ELP4: variants seen among roughly 807,000 people sequenced by gnomAD.
The protein encoded by ELP4 is elongator complex protein 4.
In ELP4, 51 loss-of-function variants were observed where a neutral mutation model predicts 48.9. The observed-to-expected ratio is 1.04, with a 90% CI of 0.83 to 1.32. The LOEUF (loss-of-function observed/expected upper bound fraction) is 1.32, where lower values mean the gene tolerates loss of function less well. Among genes scored for constraint, ELP4 ranks in the 40% most tolerant of loss-of-function variants. The probability of loss-of-function intolerance (pLI) is 0.00; values close to 1 mark genes in which losing one functional copy is unlikely to be tolerated. For synonymous variants in ELP4, 210 were observed against 189.2 expected, an observed-to-expected ratio of 1.11 and a Z score of -0.90; for missense variants, 519 against 514.6, an observed-to-expected ratio of 1.01 and a Z score of -0.08.
At chr11:31,551,711 T>A (rs1009656111) in intron 3 of ELP4, among the ~76,000 whole-genome samples, 1 of 152,176 alleles carries the variant, frequency 6.6e-6, no homozygotes, top group African/African-American at 2.4e-5. Context: ...CTGTTATACC[T>A]GAATAAAGCT....
intron 3 of ELP4, among the ~76,000 whole-genome samples, chr11:31,592,293 C>T (rs1957593609): frequency 6.6e-6 from 1 of 151,850 alleles, no homozygotes; most frequent in Non-Finnish European, 1.5e-5. Flanking sequence ...GCCTGTAATC[C>T]AGCACTTTGG....
At chr11:31,622,040 C>G (rs574073151) in intron 5 of ELP4, among the ~76,000 whole-genome samples, 32 of 151,888 alleles carry the variant, frequency 2.1e-4, no homozygotes, top group African/African-American at 7.2e-4. Context: ...CAAGGTTATT[C>G]TATTCATCGA....
At chr11:31,763,578 GC>G in intron 9 of ELP4, 1 of 1,553,828 alleles carries the variant, frequency 6.4e-7, no homozygotes, top group African/African-American at 1.4e-5. Flanking sequence ...TTCAGCTAAA[GC>G]TTCTACTGAA....
At chr11:31,602,636 T>G (rs546505954) in intron 4 of ELP4, among the ~76,000 whole-genome samples, 6 of 152,008 alleles carry the variant, frequency 3.9e-5, no homozygotes, top group Non-Finnish European at 8.8e-5. Context: ...AATTTCCTAT[T>G]GGTAGGCATT....
At chr11:31,670,894 T>C (rs890316800) in intron 9 of ELP4, among the ~76,000 whole-genome samples, 1 of 152,100 alleles carries the variant, frequency 6.6e-6, no homozygotes, top group Admixed American at 6.5e-5. Flanking sequence ...ACTTTTTATT[T>C]ACTGTTAACT....
intron 9 of ELP4, among the ~76,000 whole-genome samples, chr11:31,739,776 A>C (rs79352250): frequency 1.3e-5 from 2 of 152,218 alleles, no homozygotes; most frequent in Admixed American, 6.5e-5. Flanking sequence ...CCTCCTCTCA[A>C]GCACAAAGCA....
intron 9 of ELP4, among the ~76,000 whole-genome samples, chr11:31,698,062 G>A (rs1298142261): frequency 6.6e-6 from 1 of 152,012 alleles, no homozygotes; most frequent in Non-Finnish European, 1.5e-5. Flanking sequence ...GTACGCCCTG[G>A]CATTTGAACA....
intron 3 of ELP4, among the ~76,000 whole-genome samples, chr11:31,575,815 G>A (rs564858807): frequency 8.5e-5 from 13 of 152,194 alleles, no homozygotes; most frequent in Admixed American, 1.3e-4. Flanking sequence ...AGGAACAACC[G>A]GTACTAGCCA....
intron 7 of ELP4, among the ~76,000 whole-genome samples, chr11:31,635,787 T>C (rs945068459): frequency 1.3e-5 from 2 of 151,992 alleles, no homozygotes; most frequent in African/African-American, 4.8e-5. Context: ...AAATTGAGGA[T>C]TTGAACAGAG....
intron 1 of ELP4, among the ~76,000 whole-genome samples, chr11:31,518,606 C>T (rs1373145066): frequency 2.7e-5 from 4 of 149,590 alleles, no homozygotes; most frequent in East Asian, 2.0e-4. Context: ...AAAAAATTCT[C>T]GTGTCTCAGG....
chr11:31,563,769 C>T (rs1301424729), intron 3 of ELP4, among the ~76,000 whole-genome samples: 3 of 151,942 alleles, frequency 2.0e-5, no homozygotes, highest in African/African-American at 7.3e-5. Flanking sequence ...CCCTTGATAC[C>T]ATATACTTGA....
At chr11:31,630,943 C>CA (rs1004515046) in intron 6 of ELP4, among the ~76,000 whole-genome samples, 17 of 148,450 alleles carry the variant, frequency 1.1e-4, no homozygotes, top group Non-Finnish European at 1.8e-4. Flanking sequence ...GACACTGTCT[C>CA]AAAAAAAAAG....
chr11:31,671,083 A>G (rs1453634943), intron 9 of ELP4, among the ~76,000 whole-genome samples: 1 of 152,158 alleles, frequency 6.6e-6, no homozygotes, highest in Non-Finnish European at 1.5e-5. Context: ...ATGCCTTTCA[A>G]CTGTATAGTG....
intron 3 of ELP4, among the ~76,000 whole-genome samples, chr11:31,570,056 C>CA (rs1256659525): frequency 3.3e-5 from 5 of 152,132 alleles, no homozygotes; most frequent in African/African-American, 7.2e-5. Context: ...AAGGCACGTC[C>CA]ATATGTATAT....
chr11:31,545,734 G>C (rs535255808), intron 3 of ELP4, among the ~76,000 whole-genome samples: 1 of 152,270 alleles, frequency 6.6e-6, no homozygotes, highest in African/African-American at 2.4e-5. Flanking sequence ...CAGCCAGAGA[G>C]AAAGGTCGGG....
chr11:31,526,977 T>A (rs1956305377), intron 2 of ELP4, among the ~76,000 whole-genome samples: 1 of 152,034 alleles, frequency 6.6e-6, no homozygotes, highest in Admixed American at 6.6e-5. Context: ...ACTTACATGT[T>A]TTATAATATT....
chr11:31,722,938 G>A (rs1311416937), intron 9 of ELP4, among the ~76,000 whole-genome samples: 2 of 152,104 alleles, frequency 1.3e-5, no homozygotes, highest in African/African-American at 4.8e-5. Context: ...TGGGGAAGTC[G>A]AGCCAGGCAT....
intron 9 of ELP4, among the ~76,000 whole-genome samples, chr11:31,700,716 A>G (rs1946503746): frequency 2.0e-5 from 3 of 152,078 alleles, no homozygotes; most frequent in African/African-American, 7.2e-5. Context: ...TTGATTCAGG[A>G]AAGTGTCAGA....
intron 9 of ELP4, among the ~76,000 whole-genome samples, chr11:31,710,000 T>C (rs1425640190): frequency 6.6e-6 from 1 of 152,204 alleles, no homozygotes; most frequent in Non-Finnish European, 1.5e-5. Context: ...CTTGCACTTA[T>C]CACAGTCTTT....
Sources: allele counts gnomAD v4.1 joint callset (sites outside exome capture counted in the v4.1 genomes callset), GRCh38; gene constraint gnomAD v4.1.1; transcripts MANE v1.5; gene names NCBI Gene and HGNC (gene_info 2026-07-23, HGNC 2026-07-21).